CLEC9A: variants seen among roughly 807,000 people sequenced by gnomAD.
The protein encoded by CLEC9A is C-type lectin domain family 9 member A.
Under a neutral mutation model 30.0 loss-of-function variants are expected in CLEC9A, and 24 were observed. That is an observed-to-expected ratio of 0.80 (90% CI 0.58 to 1.13). The LOEUF (loss-of-function observed/expected upper bound fraction) is 1.13. Ranked by LOEUF, CLEC9A falls within the 50% of genes most tolerant of loss-of-function variation. The probability of loss-of-function intolerance (pLI) is 0.00; values close to 1 mark genes in which losing one functional copy is unlikely to be tolerated. For synonymous variants in CLEC9A, 111 were observed against 96.8 expected (o/e 1.15, Z -0.86); for missense variants, 251 against 280.9 (o/e 0.89, Z 0.76).
At position 10,030,916 on chromosome 12, in the gene CLEC9A, TTCC is replaced by T. The variant is rs1368953303; in HGVS notation, c.-373_-371del. Reference sequence around the variant, plus strand: ...TATTTGATCCACACAATGGTAAAGATTCCCATGTTAGCCAAGATCTAAATGATT... The same window carrying T: ...TATTTGATCCACACAATGGTAAAGATCATGTTAGCCAAGATCTAAATGATT... On this transcript the variant is annotated 5_prime_UTR_variant, in exon 1 of 9. Transcript: ENST00000355819. 6.6e-6 allele frequency: 1 copy of T among 152,186 alleles called. No individual in the cohort carries two copies. Among genetic ancestry groups the T allele is most frequent in the African/African-American group, 2.4e-5 (1 of 41,432 alleles). The allele number at this position is 152,186 out of a possible 1,614,324, so 9.4% of individuals were successfully genotyped here.
chr12:10,043,718 T>C (rs2137301132), intron 2 of CLEC9A, among the ~76,000 whole-genome samples: 1 of 151,976 alleles, frequency 6.6e-6, no homozygotes, highest in Admixed American at 6.6e-5. Flanking sequence ...AGTCTCGCTC[T>C]ATCACCAGGC....
chr12:10,037,038 GTAAA>G (rs1865749896), intron 1 of CLEC9A, among the ~76,000 whole-genome samples: 1 of 152,150 alleles, frequency 6.6e-6, no homozygotes, highest in African/African-American at 2.4e-5. Flanking sequence ...CACCTACCTT[GTAAA>G]TAAAGACTCA....
chr12:10,036,503 A>G (rs1047691183), intron 1 of CLEC9A, among the ~76,000 whole-genome samples: 8 of 152,198 alleles, frequency 5.3e-5, no homozygotes, highest in Non-Finnish European at 8.8e-5. Context: ...GCTATGACCA[A>G]TTACAAAATA....
chr12:10,062,983 G>C, intron 6 of CLEC9A, 72 bp from the exon 7 acceptor site: 1 of 1,361,056 alleles, frequency 7.3e-7, no homozygotes, highest in Non-Finnish European at 9.9e-7. Context: ...GTGAGGCAAG[G>C]GGCTTTTTGG....
In CLEC9A at chr12:10,030,861, G is replaced by A. The variant is rs922032021; in HGVS notation, c.-429G>A. The A allele has an allele frequency of 6.6e-6, 1 of 152,210 alleles. No homozygotes were observed. Among genetic ancestry groups the A allele is most frequent in the Admixed American group, 6.5e-5 (1 of 15,278 alleles). 9.4% of individuals were successfully genotyped at this position (152,210 alleles called of 1,614,324 possible). A position where few individuals can be genotyped will look rare whatever the true frequency, so the allele number is the denominator to read the frequency against. The stretch of plus-strand genomic sequence containing the variant: ...AAACCCAGCCATTTATGTGACAATA[G>A]CATTTTTATTTTTCTTATCAAGATC... On this transcript the variant is annotated 5_prime_UTR_variant, in exon 1 of 9. Coordinates refer to ENST00000355819, the MANE Select transcript of CLEC9A (RefSeq NM_207345.4).
intron 1 of CLEC9A, among the ~76,000 whole-genome samples, chr12:10,040,265 A>G (rs375783191): frequency 6.6e-6 from 1 of 152,190 alleles, no homozygotes; most frequent in Non-Finnish European, 1.5e-5. Context: ...GAAAATGTCA[A>G]CAACCACTTT....
intron 6 of CLEC9A, 34 bp downstream of exon 6, chr12:10,061,307 T>G (rs775165849): frequency 5.7e-6 from 9 of 1,568,940 alleles, no homozygotes; most frequent in African/African-American, 4.1e-5. Flanking sequence ...ACTGTATACA[T>G]CTAAATATAT....
Position 10,055,656 on chromosome 12 carries a change from A to G in CLEC9A, c.172+1305A>G, listed in dbSNP as rs575469076. Reference sequence around the variant, plus strand: ...AGCACTGTTGTCAAGTGAATGGGATATATAATTTGGTTTTTATATAAACAT... The same window carrying G: ...AGCACTGTTGTCAAGTGAATGGGATGTATAATTTGGTTTTTATATAAACAT... On this transcript the variant is annotated intron_variant, in intron 5 of 8. Transcript: ENST00000355819. 7.2e-5 allele frequency among the ~76,000 whole-genome samples: 11 copies of G among 152,340 alleles called. No homozygotes were observed. The South Asian group carries it at 2.3e-3, about 32-fold the overall frequency.
intron 5 of CLEC9A, among the ~76,000 whole-genome samples, chr12:10,059,001 A>C (rs943941667): frequency 6.6e-6 from 1 of 152,216 alleles, no homozygotes; most frequent in African/African-American, 2.4e-5. Flanking sequence ...TCTGGCTGAC[A>C]CGCATAGGTG....
At chr12:10,035,958 A>G (rs1339437736) in intron 1 of CLEC9A, among the ~76,000 whole-genome samples, 1 of 152,182 alleles carries the variant, frequency 6.6e-6, no homozygotes. Flanking sequence ...AGTTTTTATT[A>G]AGATGTTTGC....
chr12:10,040,582 C>A (rs536873802), intron 1 of CLEC9A, among the ~76,000 whole-genome samples: 1 of 151,790 alleles, frequency 6.6e-6, no homozygotes, highest in Non-Finnish European at 1.5e-5. Context: ...TCCCGAGTAG[C>A]GGGGACTACA....
At chr12:10,037,254 TC>T (rs1197447603) in intron 1 of CLEC9A, among the ~76,000 whole-genome samples, 1 of 152,176 alleles carries the variant, frequency 6.6e-6, no homozygotes, top group African/African-American at 2.4e-5. Flanking sequence ...ACCATGCCGT[TC>T]AACAATACAC....
At position 10,041,193 on chromosome 12, in the gene CLEC9A, C is replaced by A. The variant is rs149361142; in HGVS notation, c.-317-273C>A. ...CCCGGGAGGTGAAGGTTGCAGTGAG[C>A]CAAGATCGTGCCACTGCACTCCAGC... On this transcript the variant is annotated intron_variant, in intron 1 of 8. Transcript: ENST00000355819. Among the ~76,000 whole-genome samples the A allele has an allele frequency of 5.3e-4, 80 of 152,138 alleles. 1 individual carries two copies. The East Asian group carries it at 0.012, about 23-fold the overall frequency.
Position 10,065,769 on chromosome 12 carries a change from A to C in CLEC9A, c.*137A>C. 1.2e-6 allele frequency: 1 copy of C among 820,610 alleles called. No individual in the cohort carries two copies. Among genetic ancestry groups the C allele is most frequent in the Non-Finnish European group, 1.9e-6 (1 of 520,034 alleles). The allele number at this position is 820,610 out of a possible 1,614,324, so 50.8% of individuals were successfully genotyped here. On this transcript the variant is annotated 3_prime_UTR_variant, in exon 9 of 9. Coordinates refer to ENST00000355819, the MANE Select transcript of CLEC9A (RefSeq NM_207345.4). ...TGAAATTAGCAACCTGGGACTCAAT[A>C]ATACACTTGGGAATATTCTTCCACA...
At chr12:10,054,183 T>C in intron 4 of CLEC9A, 88 bp from the exon 5 acceptor site, 1 of 1,048,774 alleles carries the variant, frequency 9.5e-7, no homozygotes, top group Non-Finnish European at 1.5e-6. Context: ...TGTTAATTCC[T>C]TCTTTTACTC....
At chr12:10,044,068 A>G (rs540623479) in intron 2 of CLEC9A, among the ~76,000 whole-genome samples, 2 of 152,244 alleles carry the variant, frequency 1.3e-5, no homozygotes, top group South Asian at 4.1e-4. Context: ...TTTCGGTGGC[A>G]TTTTGCCTAC....
intron 2 of CLEC9A, among the ~76,000 whole-genome samples, chr12:10,050,072 A>C (rs1865879715): frequency 1.3e-5 from 2 of 152,222 alleles, no homozygotes; most frequent in African/African-American, 4.8e-5. Flanking sequence ...AGGGAATATA[A>C]GGAGGCTCAA....
chr12:10,061,469 G>T (rs1865997365), intron 6 of CLEC9A, among the ~76,000 whole-genome samples, 196 bp downstream of exon 6: 1 of 152,004 alleles, frequency 6.6e-6, no homozygotes. Context: ...GGATCCAAAA[G>T]AATGCAACTA....
chr12:10,062,221 T>C (rs1475870948), intron 6 of CLEC9A, among the ~76,000 whole-genome samples: 1 of 152,226 alleles, frequency 6.6e-6, no homozygotes, highest in Non-Finnish European at 1.5e-5. Flanking sequence ...ATTGAAGAGC[T>C]TTAAACAACT....
Sources: gnomAD v4.1 joint callset for allele counts (sites outside exome capture counted in the v4.1 genomes callset) on GRCh38, gnomAD v4.1.1 for gene constraint, MANE v1.5 for transcripts, NCBI Gene and HGNC (gene_info 2026-07-23, HGNC 2026-07-21) for gene names.